The following BAP1 variants were observed in gnomAD, a reference collection of about 807,000 sequenced individuals.
The protein encoded by BAP1 is BRCA1 associated deubiquitinase 1.
BAP1 carries 16 observed loss-of-function variants against 77.2 expected under a neutral mutation model. The observed-to-expected ratio is 0.21, with a 90% CI of 0.14 to 0.31. The LOEUF is 0.31. BAP1 is among the 10% of genes least tolerant of loss of function. The pLI, the probability that BAP1 is intolerant of heterozygous loss-of-function variation, is 1.00. For synonymous variants in BAP1, 362 were observed against 385.2 expected (o/e 0.94, Z 0.71); for missense variants, 699 against 967.3 (o/e 0.72, Z 3.68).
chr3:52,406,808 G>C lies in BAP1; in HGVS notation c.659+21C>G, dbSNP rs2153227611. The stretch of plus-strand genomic sequence containing the variant: ...AGGTACAGCTCCAGAGAGTAGAACA[G>C]GGCAGGCACAGGGCCCTTACCCTGC... On this transcript the variant is annotated intron_variant, in intron 8 of 16. Coordinates refer to ENST00000460680, the MANE Select transcript of BAP1 (RefSeq NM_004656.4). This position sits in a 1 kb window ranked among gnomAD's most constrained non-coding sequence, Gnocchi z 4.6. 2 of 1,552,552 alleles carry C rather than the reference G, an allele frequency of 1.3e-6. No homozygotes were observed. The highest frequency in any genetic ancestry group is 1.7e-4 in the Middle Eastern group (1 of 5,990).
In BAP1 at chr3:52,405,304, G is replaced by A. The variant is rs1705115631; in HGVS notation, c.932-10C>T. ...GCCTCCTCTGCACCATCTGAGACAG[G>A]GCAAGAACACAGGCAGGACCTCCAG... On this transcript the variant is annotated splice_polypyrimidine_tract_variant and intron_variant, in intron 10 of 16. Coordinates refer to ENST00000460680, the MANE Select transcript of BAP1 (RefSeq NM_004656.4). 6.2e-7 allele frequency: 1 copy of A among 1,613,192 alleles called. No homozygotes were observed. Among genetic ancestry groups the A allele is most frequent in the African/African-American group, 1.3e-5 (1 of 74,824 alleles).
At chr3:52,408,813 C>T (rs891493838) in intron 3 of BAP1, among the ~76,000 whole-genome samples, 3 of 152,258 alleles carry the variant, frequency 2.0e-5, no homozygotes, top group Admixed American at 2.0e-4. Context: ...CAGAGCAAAG[C>T]ATAAGCCTCT....
Position 52,403,224 on chromosome 3 carries a change from CCTT to C in BAP1, c.1801_1803del (p.Lys601del), listed in dbSNP as rs1440801879. On this transcript the variant is annotated inframe_deletion, in exon 14 of 17. Transcript: ENST00000460680. This position sits in a 1 kb window ranked among gnomAD's most constrained non-coding sequence, Gnocchi z 4.0. Reference sequence around the variant, plus strand: ...CTGCTGTCCGTGGCTTCCACGACCTCCTTCTCCACTGGGCTGCTGGACCCCTGG... The same window carrying C: ...CTGCTGTCCGTGGCTTCCACGACCTCCTCCACTGGGCTGCTGGACCCCTGG... 3 of 1,614,070 alleles carry C rather than the reference CCTT, an allele frequency of 1.9e-6. No homozygotes were observed. The highest frequency in any genetic ancestry group is 4.5e-5 in the East Asian group (2 of 44,894).
Position 52,403,617 on chromosome 3 carries a change from G to A in BAP1, c.1528C>T (p.Pro510Ser), listed in dbSNP as rs746878681. ...GSAFNSPLRS[P>S]IRSANPTRPS... ...CGCGTCGGGTTGGCTGAGCGGATAG[G>A]CGAGCGCAGTGGCGAGTTGAAAGCA... The change falls in exon 13 of 17, where the codon CCT becomes TCT. Residue 510 changes from proline (P) to serine (S), a missense_variant. Physicochemically the swap from Pro to Ser is moderately conservative, Grantham distance 74. Coordinates refer to ENST00000460680, the MANE Select transcript of BAP1 (RefSeq NM_004656.4). The surrounding 1 kb of genome is among the most constrained non-coding windows in gnomAD (Gnocchi z 4.0). 1 of 1,614,036 alleles carries A rather than the reference G, an allele frequency of 6.2e-7. No individual in the cohort carries two copies. Among genetic ancestry groups the A allele is most frequent in the African/African-American group, 1.3e-5 (1 of 74,940 alleles).
chr3:52,402,522 A>G lies in BAP1; in HGVS notation c.2056+80T>C, dbSNP rs1208263254. On this transcript the variant is annotated intron_variant, in intron 16 of 16. Coordinates refer to ENST00000460680, the MANE Select transcript of BAP1 (RefSeq NM_004656.4). This position sits in a 1 kb window ranked among gnomAD's most constrained non-coding sequence, Gnocchi z 5.3. Reference sequence around the variant, plus strand: ...GTGCCCCAAGGTCTGCTCAAGCCTCAGGAGAGGCCAGGGGAGGGGAGCTGA... The same window carrying G: ...GTGCCCCAAGGTCTGCTCAAGCCTCGGGAGAGGCCAGGGGAGGGGAGCTGA... The G allele has an allele frequency of 1.1e-5, 18 of 1,610,992 alleles. No homozygotes were observed. Among genetic ancestry groups the G allele is most frequent in the Non-Finnish European group, 1.5e-5 (18 of 1,178,144 alleles).
At chr3:52,408,330 T>A in intron 4 of BAP1, 144 bp downstream of exon 4, 1 of 1,368,294 alleles carries the variant, frequency 7.3e-7, no homozygotes, top group Non-Finnish European at 1.0e-6. Flanking sequence ...GAATTAAGAG[T>A]TCAGTTCGTT....
intron 12 of BAP1, among the ~76,000 whole-genome samples, 189 bp from the exon 13 acceptor site, chr3:52,404,083 T>G (rs1260745218): frequency 2.0e-5 from 3 of 152,188 alleles, no homozygotes; most frequent in Non-Finnish European, 4.4e-5. Flanking sequence ...CCAAGTGTCC[T>G]CAAAAGACAC....
At chr3:52,404,671 C>T in intron 11 of BAP1, 85 bp from the exon 12 acceptor site, 1 of 1,538,524 alleles carries the variant, frequency 6.5e-7, no homozygotes, top group Non-Finnish European at 8.8e-7. Context: ...AGAAAGCCAA[C>T]ATGGTTTTCC....
chr3:52,407,848 A>C, intron 5 of BAP1, 110 bp downstream of exon 5: 1 of 1,518,464 alleles, frequency 6.6e-7, no homozygotes, highest in Non-Finnish European at 9.0e-7. Flanking sequence ...AATCATTTGA[A>C]AAAGAAACAG....
In BAP1 at chr3:52,403,015, C is replaced by G; in HGVS notation, c.1890+123G>C. The G allele has an allele frequency of 6.3e-7, 1 of 1,595,560 alleles. No individual in the cohort carries two copies. The highest frequency in any genetic ancestry group is 1.3e-5 in the African/African-American group (1 of 74,884). The stretch of plus-strand genomic sequence containing the variant: ...CCACCCAACCCAGAAAGTCTTCTGG[C>G]ACATGGCTCCAGCCACCAATCTTCA... On this transcript the variant is annotated intron_variant, in intron 14 of 16. Transcript: ENST00000460680. This position sits in a 1 kb window ranked among gnomAD's most constrained non-coding sequence, Gnocchi z 4.0.
chr3:52,409,513 A>G (rs2153228482), intron 3 of BAP1, 41 bp downstream of exon 3: 1 of 1,612,570 alleles, frequency 6.2e-7, no homozygotes, highest in Non-Finnish European at 8.5e-7. Flanking sequence ...CTTCCCCAGC[A>G]CTCTGGGTGT....
chr3:52,404,619 T>G, intron 11 of BAP1, 33 bp from the exon 12 acceptor site: 1 of 1,604,048 alleles, frequency 6.2e-7, no homozygotes, highest in Non-Finnish European at 8.5e-7. Context: ...TACAAACAAG[T>G]GCTGCTCGGC....
In BAP1 at chr3:52,407,875, A is replaced by T. The variant is rs1007273796; in HGVS notation, c.375+83T>A. 3 of 1,584,928 alleles carry T rather than the reference A, an allele frequency of 1.9e-6. No individual in the cohort carries two copies. In the African/African-American group the frequency reaches 4.0e-5, roughly 21 times the overall value. On this transcript the variant is annotated intron_variant, in intron 5 of 16. Transcript: ENST00000460680. ...AAGAAACAGCCTAATAGTACCCAAT[A>T]TCATGTGGTAGCATTCCCAGTGGCC...
At chr3:52,409,155 G>A (rs1186152435) in intron 3 of BAP1, among the ~76,000 whole-genome samples, 2 of 152,242 alleles carry the variant, frequency 1.3e-5, no homozygotes, top group African/African-American at 2.4e-5. Context: ...GGGCACCCAG[G>A]AGGGGCCTTG....
Position 52,402,966 on chromosome 3 carries a change from C to G in BAP1, c.1891-95G>C, listed in dbSNP as rs746220455. The G allele has an allele frequency of 6.2e-7, 1 of 1,604,434 alleles. No individual in the cohort carries two copies. Among genetic ancestry groups the G allele is most frequent in the South Asian group, 1.1e-5 (1 of 90,654 alleles). On this transcript the variant is annotated intron_variant, in intron 14 of 16. Coordinates refer to ENST00000460680, the MANE Select transcript of BAP1 (RefSeq NM_004656.4). The surrounding 1 kb of genome is among the most constrained non-coding windows in gnomAD (Gnocchi z 5.3). ...CTAGAGGCAAGGATGAGCAGCGAGT[C>G]CATGCCTATCAAGGCCCCTGCCACC...
Position 52,403,607 on chromosome 3 carries a change from G to C in BAP1, c.1538C>G (p.Ser513Ter). 6.2e-7 allele frequency: 1 copy of C among 1,614,206 alleles called. No individual in the cohort carries two copies. Residue 513 changes from serine to a stop codon, truncating the protein, a stop_gained, in exon 13 of 17, where the codon TCA (serine) becomes TGA (stop). Transcript: ENST00000460680. LOFTEE classifies it high-confidence loss of function. The surrounding 1 kb of genome is among the most constrained non-coding windows in gnomAD (Gnocchi z 4.0). ...FNSPLRSPIR[S>*]ANPTRPSSPV... ...GCTGGAGGGCCGCGTCGGGTTGGCT[G>C]AGCGGATAGGCGAGCGCAGTGGCGA...
Position 52,402,156 on chromosome 3 carries a change from T to G in BAP1, c.*132A>C. ...GATGGAAGGAATGTGGCCTGGTTCC[T>G]CCCATTCCCAGGGCCTGGACTCTCC... On this transcript the variant is annotated 3_prime_UTR_variant, in exon 17 of 17. Coordinates refer to ENST00000460680, the MANE Select transcript of BAP1 (RefSeq NM_004656.4). This position sits in a 1 kb window ranked among gnomAD's most constrained non-coding sequence, Gnocchi z 5.3. 1 of 1,429,054 alleles carries G rather than the reference T, an allele frequency of 7.0e-7. No individual in the cohort carries two copies. The highest frequency in any genetic ancestry group is 9.4e-7 in the Non-Finnish European group (1 of 1,059,918). 88.5% of individuals were successfully genotyped at this position (1,429,054 alleles called of 1,614,324 possible). A position where few individuals can be genotyped will look rare whatever the true frequency, so the allele number is the denominator to read the frequency against.
chr3:52,409,453 A>T, intron 3 of BAP1, 101 bp downstream of exon 3: 1 of 1,473,190 alleles, frequency 6.8e-7, no homozygotes, highest in Non-Finnish European at 9.5e-7. Flanking sequence ...AGATTTTACA[A>T]CGTAGGGTTC....
At chr3:52,405,723 G>A (rs748017159) in intron 10 of BAP1, 42 bp downstream of exon 10, 3 of 1,610,812 alleles carry the variant, frequency 1.9e-6, no homozygotes, top group Non-Finnish European at 2.5e-6. Context: ...GACATTAGCG[G>A]GTGGCTCTGA....
Sources: allele counts gnomAD v4.1 joint callset (sites outside exome capture counted in the v4.1 genomes callset), GRCh38; gene constraint gnomAD v4.1.1; non-coding constraint Gnocchi (gnomAD v3.1); transcripts MANE v1.5; gene names NCBI Gene and HGNC (gene_info 2026-07-23, HGNC 2026-07-21).